Variants in CA10 observed in about 807,000 individuals in gnomAD.
CA10 encodes carbonic anhydrase-related protein 10.
Under a neutral mutation model 44.2 loss-of-function variants are expected in CA10, and 14 were observed. That is an observed-to-expected ratio of 0.32 (90% CI 0.21 to 0.50). The LOEUF is 0.50. Ranked by LOEUF, CA10 falls within the 20% of genes least tolerant of loss-of-function variation. The pLI is 0.99. For missense variants in CA10, 350 were observed against 409.7 expected (o/e 0.85, Z 1.26); for synonymous variants, 159 against 141.6 (o/e 1.12, Z -0.87).
chr17:51,709,944 T>G (rs1915881290), intron 4 of CA10, among the ~76,000 whole-genome samples: 1 of 152,230 alleles, frequency 6.6e-6, no homozygotes, highest in South Asian at 2.1e-4. Context: ...ACATTTCACT[T>G]CTTCAGTGTC....
chr17:51,921,192 C>G (rs1283310439), intron 3 of CA10, among the ~76,000 whole-genome samples: 1 of 152,146 alleles, frequency 6.6e-6, no homozygotes, highest in Non-Finnish European at 1.5e-5. Context: ...CAAAGTACAT[C>G]AAGGTTGGAA....
intron 4 of CA10, among the ~76,000 whole-genome samples, chr17:51,726,955 G>C (rs958366410): frequency 1.3e-5 from 2 of 152,188 alleles, no homozygotes; most frequent in Non-Finnish European, 2.9e-5. Flanking sequence ...TGGCCTGCTG[G>C]TTTCATCAGC....
intron 2 of CA10, among the ~76,000 whole-genome samples, chr17:51,996,670 T>G (rs1985248323): frequency 6.6e-6 from 1 of 152,054 alleles, no homozygotes; most frequent in Non-Finnish European, 1.5e-5. Flanking sequence ...CTCTACTTGG[T>G]AAGAATTTCT....
chr17:51,734,491 T>C (rs567896971), intron 4 of CA10, among the ~76,000 whole-genome samples: 3 of 152,284 alleles, frequency 2.0e-5, no homozygotes, highest in Admixed American at 6.5e-5. Context: ...ATTACAGTTA[T>C]ACCAGGACTT....
At chr17:51,633,771 T>C in intron 7 of CA10, 121 bp from the exon 8 acceptor site, 1 of 1,055,438 alleles carries the variant, frequency 9.5e-7, no homozygotes, top group Non-Finnish European at 1.4e-6. Flanking sequence ...AAGGGCTGTA[T>C]AAGCCCCACA....
At chr17:52,043,911 A>G (rs1203361701) in intron 2 of CA10, among the ~76,000 whole-genome samples, 1 of 152,054 alleles carries the variant, frequency 6.6e-6, no homozygotes, top group Non-Finnish European at 1.5e-5. Context: ...ATCCTACTTG[A>G]TCAGGGTGTA....
At chr17:51,902,974 T>C (rs2143934593) in intron 3 of CA10, among the ~76,000 whole-genome samples, 1 of 152,328 alleles carries the variant, frequency 6.6e-6, no homozygotes, top group South Asian at 2.1e-4. Flanking sequence ...TCATCATTCA[T>C]TGACTCATTC....
chr17:52,126,212 C>A (rs1989115750), intron 1 of CA10, among the ~76,000 whole-genome samples: 1 of 152,170 alleles, frequency 6.6e-6, no homozygotes, highest in Non-Finnish European at 1.5e-5. Context: ...AAATAACATT[C>A]TAAAATGGTG....
At chr17:52,020,001 G>C (rs8070638) in intron 2 of CA10, among the ~76,000 whole-genome samples, 99,022 of 151,584 alleles carry the variant, frequency 0.65, 33,658 homozygotes, top group African/African-American at 0.82. Context: ...AATTGTTACA[G>C]TCTCCTACTA....
intron 4 of CA10, among the ~76,000 whole-genome samples, chr17:51,694,199 C>T (rs975370068): frequency 2.4e-4 from 36 of 150,630 alleles, no homozygotes; most frequent in African/African-American, 5.6e-4. Context: ...AGCGAAACTC[C>T]GTCTCGGAAA....
intron 4 of CA10, among the ~76,000 whole-genome samples, chr17:51,730,525 T>G (rs1916676575): frequency 1.3e-5 from 2 of 152,072 alleles, no homozygotes; most frequent in Non-Finnish European, 2.9e-5. Flanking sequence ...ATAAAGCGAG[T>G]CATGCTATAG....
At chr17:51,931,648 A>G (rs931715058) in intron 2 of CA10, among the ~76,000 whole-genome samples, 1 of 152,150 alleles carries the variant, frequency 6.6e-6, no homozygotes, top group Non-Finnish European at 1.5e-5. Flanking sequence ...CCCCCTAATC[A>G]ATGCCAGACA....
At chr17:52,070,878 T>C (rs1987662497) in intron 2 of CA10, among the ~76,000 whole-genome samples, 1 of 152,318 alleles carries the variant, frequency 6.6e-6, no homozygotes, top group Admixed American at 6.5e-5. Context: ...ACAGAGGATG[T>C]TCTCTTTACA....
intron 4 of CA10, among the ~76,000 whole-genome samples, chr17:51,679,262 CTCT>C (rs1914741997): frequency 8.1e-6 from 1 of 123,078 alleles, no homozygotes; most frequent in Admixed American, 9.5e-5. Context: ...GTTTTTCTTT[CTCT>C]TTTTTTTTTT....
At chr17:51,954,729 A>G (rs1200203964) in intron 2 of CA10, among the ~76,000 whole-genome samples, 1 of 152,240 alleles carries the variant, frequency 6.6e-6, no homozygotes, top group Non-Finnish European at 1.5e-5. Flanking sequence ...AAAGATGCAC[A>G]GGAGAGACTG....
intron 2 of CA10, among the ~76,000 whole-genome samples, chr17:51,945,767 G>A (rs1425475478): frequency 6.6e-6 from 1 of 152,098 alleles, no homozygotes; most frequent in Non-Finnish European, 1.5e-5. Flanking sequence ...TTATCAGGTA[G>A]GCTATTTCCA....
chr17:51,983,538 T>G (rs374373050), intron 2 of CA10, among the ~76,000 whole-genome samples: 7 of 151,882 alleles, frequency 4.6e-5, no homozygotes, highest in East Asian at 1.9e-4. Flanking sequence ...TTTGTTTTTG[T>G]GAATCCCAGT....
intron 4 of CA10, among the ~76,000 whole-genome samples, chr17:51,723,033 A>G (rs1916397207): frequency 6.6e-6 from 1 of 152,194 alleles, no homozygotes; most frequent in Non-Finnish European, 1.5e-5. Context: ...TCCTCAAGTT[A>G]GTTTCCCTCC....
chr17:51,785,075 G>A (rs1029020773), intron 3 of CA10, among the ~76,000 whole-genome samples: 6 of 152,164 alleles, frequency 3.9e-5, no homozygotes, highest in African/African-American at 1.4e-4. Flanking sequence ...ATGATCTCCA[G>A]TTCCACCTGT....
Sources: allele counts gnomAD v4.1 joint callset (sites outside exome capture counted in the v4.1 genomes callset), GRCh38; gene constraint gnomAD v4.1.1; transcripts MANE v1.5; gene names NCBI Gene and HGNC (gene_info 2026-07-23, HGNC 2026-07-21).